SPATA25: variants seen among roughly 807,000 people sequenced by gnomAD.
The protein encoded by SPATA25 is spermatogenesis-associated protein 25.
SPATA25 carries 16 observed loss-of-function variants against 16.0 expected under a neutral mutation model. The observed-to-expected ratio is 1.00, with a 90% CI of 0.68 to 1.52. The LOEUF (loss-of-function observed/expected upper bound fraction) is 1.52, where lower values mean the gene tolerates loss of function less well. SPATA25 is among the 40% of genes most tolerant of loss of function. SPATA25 has a pLI of 0.00. For synonymous variants in SPATA25, 115 were observed against 118.5 expected, an observed-to-expected ratio of 0.97 and a Z score of 0.19; for missense variants, 285 against 289.2, an observed-to-expected ratio of 0.99 and a Z score of 0.11.
Position 45,887,019 on chromosome 20 carries a change from C to G in SPATA25, c.182G>C (p.Trp61Ser). ...TTGTGGCATTGCCAGGGCTGGGCCC[C>G]AGGCCTGGGCAGCAGGTGCCACCTG... ...AEQVAPAAQAWGPALAMPQAR... is the reference protein window; with the variant it reads ...AEQVAPAAQASGPALAMPQAR... Residue 61 changes from tryptophan (W) to serine (S), a missense_variant, in exon 2 of 2, where the codon TGG becomes TCG. Transcript: ENST00000372519. The G allele has an allele frequency of 1.2e-6, 2 of 1,613,022 alleles. No homozygotes were observed. The highest frequency in any genetic ancestry group is 1.7e-6 in the Non-Finnish European group (2 of 1,180,020).
upstream of SPATA25, among the ~76,000 whole-genome samples, chr20:45,887,996 C>A (rs1168259606): frequency 6.6e-6 from 1 of 152,088 alleles, no homozygotes; most frequent in African/African-American, 2.4e-5. Context: ...TCGGGTCAGA[C>A]CCAGTATTGG....
upstream of SPATA25, chr20:45,888,965 C>A: frequency 1.4e-6 from 2 of 1,469,586 alleles, no homozygotes; most frequent in South Asian, 2.4e-5. Flanking sequence ...CCCACTTTGT[C>A]ATTAAATGTG....
upstream of SPATA25, chr20:45,890,417 A>G: frequency 2.5e-6 from 4 of 1,611,788 alleles, no homozygotes; most frequent in South Asian, 1.1e-5. Context: ...GCAAAAGAGG[A>G]CACCCAGGCG....
In SPATA25 at chr20:45,886,885, T is replaced by A; in HGVS notation, c.316A>T (p.Asn106Tyr). 6.2e-7 allele frequency: 1 copy of A among 1,614,134 alleles called. No homozygotes were observed. Among genetic ancestry groups the A allele is most frequent in the Non-Finnish European group, 8.5e-7 (1 of 1,180,034 alleles). The change falls in exon 2 of 2, where the codon AAT (asparagine) becomes TAT (tyrosine). Residue 106 changes from asparagine to tyrosine, a missense_variant. Physicochemically the swap from Asn to Tyr is moderately radical, Grantham distance 143. Coordinates refer to ENST00000372519, the MANE Select transcript of SPATA25 (RefSeq NM_080608.4). Reference protein sequence around the residue: ...VRQLESLGWDNGYSRSRAPDL... With the variant: ...VRQLESLGWDYGYSRSRAPDL... Reference sequence around the variant, plus strand: ...GGGGCTCTGCTTCTGGAGTAGCCATTGTCCCAGCCCAAGCTCTCCAGCTGC... The same window carrying A: ...GGGGCTCTGCTTCTGGAGTAGCCATAGTCCCAGCCCAAGCTCTCCAGCTGC...
upstream of SPATA25, among the ~76,000 whole-genome samples, chr20:45,889,231 G>A (rs953846335): frequency 6.6e-5 from 10 of 152,192 alleles, no homozygotes; most frequent in African/African-American, 1.9e-4. Flanking sequence ...AGGTATAACT[G>A]CAATGCTTAC....
upstream of SPATA25, chr20:45,890,714 A>G (rs1242705928): frequency 6.2e-7 from 1 of 1,613,742 alleles, no homozygotes; most frequent in Admixed American, 1.7e-5. Context: ...AACGGGGGCC[A>G]GACTGGCGGG....
upstream of SPATA25, chr20:45,888,842 C>A (rs761931744): frequency 6.2e-7 from 1 of 1,613,988 alleles, no homozygotes; most frequent in East Asian, 2.2e-5. Flanking sequence ...TCCTTTGTAT[C>A]ACTAGGCGGC....
chr20:45,890,114 G>T, upstream of SPATA25: 2 of 913,084 alleles, frequency 2.2e-6, no homozygotes, highest in South Asian at 3.2e-5. Flanking sequence ...ACAAGCAGAG[G>T]TGCAATTTGA....
At chr20:45,889,619 C>CTT (rs1555831040), upstream of SPATA25, among the ~76,000 whole-genome samples, 16 of 150,534 alleles carry the variant, frequency 1.1e-4, no homozygotes, top group African/African-American at 2.9e-4. Context: ...CTCTCTCTCT[C>CTT]TCTTTCTTTT....
chr20:45,890,660 C>A, upstream of SPATA25: 1 of 1,613,600 alleles, frequency 6.2e-7, no homozygotes, highest in Non-Finnish European at 8.5e-7. Flanking sequence ...GGCGAAGACC[C>A]AGGTGTGGCC....
chr20:45,888,749 T>C, upstream of SPATA25: 1 of 1,613,866 alleles, frequency 6.2e-7, no homozygotes, highest in South Asian at 1.1e-5. Flanking sequence ...TCTGGTGCAC[T>C]GTGGGTCTTC....
chr20:45,886,714 C>T lies in SPATA25; in HGVS notation c.487G>A (p.Gly163Ser). Reference sequence around the variant, plus strand: ...CCTGGGACGGGCACGGTGGGGATGCCAGCGATCATCATGGCGAGGGTGAGG... The same window carrying T: ...CCTGGGACGGGCACGGTGGGGATGCTAGCGATCATCATGGCGAGGGTGAGG... ...CILTLAMMIA[G>S]IPTVPVPGVR... Residue 163 changes from glycine (G) to serine (S), a missense_variant, in exon 2 of 2, where the codon GGC becomes AGC. Coordinates refer to ENST00000372519, the MANE Select transcript of SPATA25 (RefSeq NM_080608.4). The T allele has an allele frequency of 6.2e-7, 1 of 1,614,098 alleles. No individual in the cohort carries two copies.
chr20:45,887,529 C>T lies in SPATA25; in HGVS notation c.55+7G>A, dbSNP rs779823175. The T allele has an allele frequency of 5.0e-5, 80 of 1,613,156 alleles. 3 individuals are homozygous for T. The Middle Eastern group carries it at 6.3e-3, about 126-fold the overall frequency. On this transcript the variant is annotated splice_region_variant and intron_variant, in intron 1 of 1. Transcript: ENST00000372519. ...ACTCCCTCCAATTGCAGGTGCCCCC[C>T]GCTCACCTTGGCCGGAAGGCAGAGG... is the stretch of plus-strand genomic sequence containing the variant.
Position 45,887,426 on chromosome 20 carries a change from T to A in SPATA25, c.55+110A>T, listed in dbSNP as rs1019330024. On this transcript the variant is annotated intron_variant, in intron 1 of 1. Transcript: ENST00000372519. The stretch of plus-strand genomic sequence containing the variant: ...GCTTTTCTTCTAAAAGAATTGATTC[T>A]AGGGCCAGCCCCCAAATGCCCAGCA... 1.1e-5 allele frequency: 12 copies of A among 1,073,742 alleles called. No homozygotes were observed. In the African/African-American group the frequency reaches 1.8e-4, roughly 16 times the overall value. The allele number at this position is 1,073,742 out of a possible 1,614,324, so 66.5% of individuals were successfully genotyped here.
At chr20:45,887,205 G>C in intron 1 of SPATA25, 60 bp from the exon 2 acceptor site, 1 of 1,527,628 alleles carries the variant, frequency 6.5e-7, no homozygotes, top group African/African-American at 1.4e-5. Flanking sequence ...GGGGCCCTGA[G>C]GGGCAGGGCA....
chr20:45,888,743 G>A (rs546947641), upstream of SPATA25: 2 of 1,613,602 alleles, frequency 1.2e-6, no homozygotes, highest in African/African-American at 1.3e-5. Context: ...CTGTGCTCTG[G>A]TGCACTGTGG....
At chr20:45,888,912 G>A, upstream of SPATA25, 2 of 1,612,224 alleles carry the variant, frequency 1.2e-6, no homozygotes, top group South Asian at 1.1e-5. Flanking sequence ...CTGAACTGGA[G>A]GGTGGGTCTG....
At chr20:45,888,573 T>C, upstream of SPATA25, 1 of 603,780 alleles carries the variant, frequency 1.7e-6, no homozygotes, top group South Asian at 2.0e-5. Context: ...CCTGCTGACC[T>C]GCAGTGATTC....
chr20:45,888,462 C>T (rs990294727), upstream of SPATA25, among the ~76,000 whole-genome samples: 4 of 152,200 alleles, frequency 2.6e-5, no homozygotes, highest in Non-Finnish European at 5.9e-5. Context: ...AAATCAAATA[C>T]GAATCCCTAG....
Sources: gnomAD v4.1 joint callset for allele counts (sites outside exome capture counted in the v4.1 genomes callset) on GRCh38, gnomAD v4.1.1 for gene constraint, MANE v1.5 for transcripts, NCBI Gene and HGNC (gene_info 2026-07-23, HGNC 2026-07-21) for gene names.